The following DDX31 variants were observed in gnomAD, a reference collection of about 807,000 sequenced individuals.
DDX31 encodes the protein ATP-dependent DNA helicase DDX31.
A neutral mutation model predicts 91.3 loss-of-function variants in DDX31; 70 were observed. The ratio of observed to expected loss-of-function variants is 0.77; its 90% CI spans 0.63 to 0.94. DDX31 has a LOEUF of 0.94. DDX31 is among the 40% of genes least tolerant of loss of function. DDX31 has a pLI of 0.00. For missense variants in DDX31, 902 were observed against 925.0 expected (o/e 0.98, Z 0.32); for synonymous variants, 362 against 350.6 (o/e 1.03, Z -0.36).
At chr9:132,617,184 C>T (rs1831691562) in intron 18 of DDX31, among the ~76,000 whole-genome samples, 2 of 152,152 alleles carry the variant, frequency 1.3e-5, no homozygotes, top group Non-Finnish European at 2.9e-5. Flanking sequence ...CTCCCACTGC[C>T]CAGAATGCCC....
intron 1 of DDX31, among the ~76,000 whole-genome samples, chr9:132,669,391 T>C (rs1346364061): frequency 6.6e-6 from 1 of 151,818 alleles, no homozygotes; most frequent in Non-Finnish European, 1.5e-5. Context: ...TCACGATATA[T>C]AGGGTTAAAT....
chr9:132,633,806 G>A (rs1263429926), intron 14 of DDX31, among the ~76,000 whole-genome samples: 7 of 152,082 alleles, frequency 4.6e-5, no homozygotes, highest in African/African-American at 1.7e-4. Flanking sequence ...AATTTAAAAA[G>A]ATAAACAGCT....
chr9:132,595,108 C>A lies in DDX31; in HGVS notation c.1999G>T (p.Asp667Tyr), dbSNP rs771812464. The change falls in exon 20 of 20, where the codon GAC (aspartate) becomes TAC (tyrosine). Residue 667 changes from aspartate to tyrosine, a missense_variant. Transcript: ENST00000372159. This position sits in a 1 kb window ranked among gnomAD's most constrained non-coding sequence, Gnocchi z 4.6. ...TTACTCTGGGTCTTCTTATGAAGGT[C>A]AGGCCTGAAGAACAGTAACAGCAGA... is the stretch of plus-strand genomic sequence containing the variant. ...KKRKAHVKRP[D>Y]LHKKTQSKHS... 6.2e-7 allele frequency: 1 copy of A among 1,613,674 alleles called. No individual in the cohort carries two copies. Among genetic ancestry groups the A allele is most frequent in the Non-Finnish European group, 8.5e-7 (1 of 1,179,664 alleles).
chr9:132,596,679 G>A (rs977749022), intron 19 of DDX31, among the ~76,000 whole-genome samples: 3 of 152,236 alleles, frequency 2.0e-5, no homozygotes, highest in Admixed American at 1.3e-4. Context: ...CTGGTAAGTG[G>A]AGAAGCCAAG....
intron 19 of DDX31, among the ~76,000 whole-genome samples, chr9:132,604,694 A>G (rs896778579): frequency 1.3e-5 from 2 of 152,168 alleles, no homozygotes; most frequent in African/African-American, 4.8e-5. Context: ...GAGCATTTTC[A>G]TACGATTCCC....
intron 16 of DDX31, among the ~76,000 whole-genome samples, chr9:132,629,523 GC>G (rs1832599498): frequency 6.6e-6 from 1 of 152,218 alleles, no homozygotes; most frequent in African/African-American, 2.4e-5. Flanking sequence ...CCCACAACAG[GC>G]CCCCAGGCTG....
intron 18 of DDX31, among the ~76,000 whole-genome samples, chr9:132,616,529 TTGA>T (rs2119346478): frequency 6.6e-6 from 1 of 152,256 alleles, no homozygotes; most frequent in East Asian, 1.9e-4. Context: ...CAGTGTGGGT[TTGA>T]TTTATTTCTT....
intron 17 of DDX31, among the ~76,000 whole-genome samples, chr9:132,621,000 G>A (rs1004499399): frequency 5.3e-5 from 8 of 152,170 alleles, no homozygotes; most frequent in African/African-American, 1.7e-4. Flanking sequence ...CAGAAAGGAT[G>A]AGCAGGGGGC....
In DDX31 at chr9:132,630,428, G is replaced by A. The variant is rs371246050; in HGVS notation, c.1492-25C>T. On this transcript the variant is annotated intron_variant, in intron 15 of 19. Coordinates refer to ENST00000372159, the MANE Select transcript of DDX31 (RefSeq NM_022779.9). ...ACTAAAAAGGGTAACAAAAATGAAG[G>A]CATTCATAGATCAAGGGACTGCCAT... 51 of 1,570,408 alleles carry A rather than the reference G, an allele frequency of 3.2e-5. No homozygotes were observed. In the African/African-American group the frequency reaches 3.6e-4, roughly 11 times the overall value.
chr9:132,612,142 C>A lies in DDX31; in HGVS notation c.1939G>T (p.Ala647Ser). The A allele has an allele frequency of 1.2e-6, 2 of 1,614,144 alleles. No homozygotes were observed. Among genetic ancestry groups the A allele is most frequent in the Middle Eastern group, 3.3e-4 (2 of 6,060 alleles). Residue 647 changes from alanine (A) to serine (S), a missense_variant, in exon 19 of 20, where the codon GCC becomes TCC. Coordinates refer to ENST00000372159, the MANE Select transcript of DDX31 (RefSeq NM_022779.9). Reference protein sequence around the residue: ...HVAKSFGLRDAPRNLSALTRK... With the variant: ...HVAKSFGLRDSPRNLSALTRK... ...GTCAAGGCACTAAGATTCCTGGGGG[C>A]ATCTCTTAGTCCGAAGCTCTTCGCC...
At chr9:132,646,502 C>G (rs1402473189) in intron 12 of DDX31, among the ~76,000 whole-genome samples, 2 of 152,148 alleles carry the variant, frequency 1.3e-5, no homozygotes, top group Non-Finnish European at 2.9e-5. Flanking sequence ...TGCCAAGACT[C>G]TTGGAGAAAC....
chr9:132,648,304 G>A lies in DDX31; in HGVS notation c.861-9C>T, dbSNP rs775351988. The A allele has an allele frequency of 2.5e-6, 4 of 1,589,520 alleles. No homozygotes were observed. In the African/African-American group the frequency reaches 5.6e-5, roughly 22 times the overall value. On this transcript the variant is annotated splice_polypyrimidine_tract_variant and intron_variant, in intron 10 of 19. Coordinates refer to ENST00000372159, the MANE Select transcript of DDX31 (RefSeq NM_022779.9). ...AACCCAAATCCAAGATTCTGTGATT[G>A]TAAAAAAAAAAAGAAATTTTCAACT... is the stretch of plus-strand genomic sequence containing the variant.
rs1564341037 is a variant in DDX31, at chr9:132,662,434, C to CGTAT, written c.332+4_332+5insATAC. 8 of 1,614,198 alleles carry CGTAT rather than the reference C, an allele frequency of 5.0e-6. No individual in the cohort carries two copies. The highest frequency in any genetic ancestry group is 6.8e-6 in the Non-Finnish European group (8 of 1,180,012). On this transcript the variant is annotated splice_donor_region_variant and intron_variant, in intron 2 of 19. Transcript: ENST00000372159. ...TTCCTGAAGGGCATCCGCCCCTGGA[C>CGTAT]ATACCTGTGGAGTTCTGGAATGTCA...
chr9:132,651,074 C>A lies in DDX31; in HGVS notation c.675+1G>T. On this transcript the variant is annotated splice_donor_variant, in intron 8 of 19. Coordinates refer to ENST00000372159, the MANE Select transcript of DDX31 (RefSeq NM_022779.9). LOFTEE classifies it high-confidence loss of function. The stretch of plus-strand genomic sequence containing the variant: ...GAAATGGAACTCATGGTTTGCCTTA[C>A]CTTAAGCAGTTTCTGGACAGTGTCA... The A allele has an allele frequency of 6.2e-7, 1 of 1,612,208 alleles. No individual in the cohort carries two copies.
chr9:132,641,825 T>C lies in DDX31; in HGVS notation c.1440+179A>G, dbSNP rs370628578. ...AGTCTTCTGCACGGTGGTGGCTGGC[T>C]ATCTGCAGCCCTGTCAGGTAACAAG... On this transcript the variant is annotated intron_variant, in intron 14 of 19. Coordinates refer to ENST00000372159, the MANE Select transcript of DDX31 (RefSeq NM_022779.9). Among the ~76,000 whole-genome samples, 3 of 152,194 alleles carry C rather than the reference T, an allele frequency of 2.0e-5. No individual in the cohort carries two copies. In the East Asian group the frequency reaches 5.8e-4, roughly 29 times the overall value.
intron 14 of DDX31, chr9:132,638,081 GAAATGCACGCGCCGGA>G (rs1590049118): frequency 1.6e-6 from 2 of 1,278,792 alleles, no homozygotes; most frequent in Non-Finnish European, 2.0e-6. Context: ...TTCTGAAAAA[GAAATGCACGCGCCGGA>G]CAGCCAAGGA....
At chr9:132,607,125 G>A (rs1372234519) in intron 19 of DDX31, among the ~76,000 whole-genome samples, 1 of 152,204 alleles carries the variant, frequency 6.6e-6, no homozygotes, top group African/African-American at 2.4e-5. Flanking sequence ...TCAGAAGTGT[G>A]GGAGGTTAAG....
At chr9:132,641,398 C>G (rs1833497761) in intron 14 of DDX31, among the ~76,000 whole-genome samples, 1 of 152,202 alleles carries the variant, frequency 6.6e-6, no homozygotes, top group East Asian at 1.9e-4. Context: ...TTGGAGATAG[C>G]AACAACTACG....
At chr9:132,635,409 C>T (rs936643001) in intron 14 of DDX31, among the ~76,000 whole-genome samples, 5 of 151,994 alleles carry the variant, frequency 3.3e-5, no homozygotes, top group African/African-American at 9.7e-5. Context: ...AAACAGCCCA[C>T]CCCCAACCTA....
Sources: allele counts gnomAD v4.1 joint callset (sites outside exome capture counted in the v4.1 genomes callset), GRCh38; gene constraint gnomAD v4.1.1; non-coding constraint Gnocchi (gnomAD v3.1); transcripts MANE v1.5; gene names NCBI Gene and HGNC (gene_info 2026-07-23, HGNC 2026-07-21).